Variants in PATJ observed in about 807,000 individuals in gnomAD.
PATJ encodes inaD-like protein.
Under a neutral mutation model 224.9 loss-of-function variants are expected in PATJ, and 190 were observed. The observed-to-expected ratio is 0.84, with a 90% CI of 0.75 to 0.95. PATJ has a LOEUF of 0.95. Among genes scored for constraint, PATJ ranks in the 40% least tolerant of loss-of-function variants. The pLI is 0.00. For missense variants in PATJ, 2,121 were observed against 2,270.3 expected, an observed-to-expected ratio of 0.93 and a Z score of 1.34; for synonymous variants, 769 against 820.3, an observed-to-expected ratio of 0.94 and a Z score of 1.07.
chr1:61,812,597 C>G (rs535079688), intron 14 of PATJ, among the ~76,000 whole-genome samples: 1 of 152,058 alleles, frequency 6.6e-6, no homozygotes, highest in Non-Finnish European at 1.5e-5. Flanking sequence ...ACCTGTAATC[C>G]TAGCATTTTG....
At chr1:62,145,345 GT>G (rs1435006432) in intron 41 of PATJ, among the ~76,000 whole-genome samples, 2 of 152,224 alleles carry the variant, frequency 1.3e-5, no homozygotes, top group African/African-American at 2.4e-5. Flanking sequence ...GATGTATGCA[GT>G]TCATTAGATA....
chr1:61,856,585 AATT>A (rs1247871676), intron 18 of PATJ, among the ~76,000 whole-genome samples: 3 of 151,818 alleles, frequency 2.0e-5, no homozygotes, highest in African/African-American at 4.8e-5. Context: ...CTTATGTGTA[AATT>A]ATTATTATTA....
intron 26 of PATJ, among the ~76,000 whole-genome samples, chr1:61,924,083 A>T (rs1674754432): frequency 6.6e-6 from 1 of 151,180 alleles, no homozygotes; most frequent in African/African-American, 2.4e-5. Flanking sequence ...GATTCATAGA[A>T]ATACTGGCCA....
intron 31 of PATJ, among the ~76,000 whole-genome samples, chr1:62,065,733 T>C (rs986198311): frequency 6.6e-6 from 1 of 152,232 alleles, no homozygotes; most frequent in African/African-American, 2.4e-5. Flanking sequence ...ATCACTTGCT[T>C]ATCAGATTTT....
chr1:61,923,674 T>A (rs561388062), intron 26 of PATJ, among the ~76,000 whole-genome samples: 1 of 151,922 alleles, frequency 6.6e-6, no homozygotes, highest in African/African-American at 2.4e-5. Flanking sequence ...TCCCAGCACT[T>A]TGGGAGGCTG....
chr1:62,143,817 G>A (rs1667744378), intron 41 of PATJ, among the ~76,000 whole-genome samples: 2 of 152,136 alleles, frequency 1.3e-5, no homozygotes, highest in African/African-American at 4.8e-5. Flanking sequence ...TTGAGCCTGA[G>A]TGTGCAAGTG....
At chr1:62,124,088 T>G (rs1665420089) in intron 39 of PATJ, among the ~76,000 whole-genome samples, 1 of 152,102 alleles carries the variant, frequency 6.6e-6, no homozygotes, top group African/African-American at 2.4e-5. Flanking sequence ...TTTTTTTCTT[T>G]TTCTTTTTCT....
intron 25 of PATJ, among the ~76,000 whole-genome samples, chr1:61,910,326 T>A (rs1436684306): frequency 6.6e-6 from 1 of 152,136 alleles, no homozygotes; most frequent in Non-Finnish European, 1.5e-5. Context: ...TTCTTTCAAT[T>A]ATTCAAACAA....
At position 61,827,519 on chromosome 1, in the gene PATJ, T is replaced by G; in HGVS notation, c.1916T>G (p.Leu639Trp). 6.2e-7 allele frequency: 1 copy of G among 1,614,076 alleles called. No individual in the cohort carries two copies. Among genetic ancestry groups the G allele is most frequent in the Non-Finnish European group, 8.5e-7 (1 of 1,180,016 alleles). ...PPFTLVCCRR[L>W]FDDEASVDEP... ...TTTACTTTGGTTTGCTGTCGGAGGT[T>G]GTTTGATGATGAAGCTTCTGTAGAT... The change falls in exon 16 of 44, where the codon TTG becomes TGG. Residue 639 changes from leucine (L) to tryptophan (W), a missense_variant. Transcript: ENST00000642238.
At position 61,900,248 on chromosome 1, in the gene PATJ, G is replaced by C. The variant is rs1403442347; in HGVS notation, c.3203+594G>C. Among the ~76,000 whole-genome samples, 8 of 151,992 alleles carry C rather than the reference G, an allele frequency of 5.3e-5. No homozygotes were observed. The East Asian group carries it at 1.5e-3, about 29-fold the overall frequency. On this transcript the variant is annotated intron_variant, in intron 23 of 43. Coordinates refer to ENST00000642238, the MANE Select transcript of PATJ (RefSeq NM_001350145.3). The stretch of plus-strand genomic sequence containing the variant: ...ATATCTCCACCCAAACTGGTTCTTT[G>C]CTTGTAATTGAAATCTGAATTTGTC...
At chr1:62,104,154 A>T (rs1662588102) in intron 33 of PATJ, among the ~76,000 whole-genome samples, 1 of 152,128 alleles carries the variant, frequency 6.6e-6, no homozygotes, top group Non-Finnish European at 1.5e-5. Flanking sequence ...GGTAGGGGAG[A>T]AGGCACTCAG....
At chr1:62,118,422 G>A (rs1664687229) in intron 37 of PATJ, among the ~76,000 whole-genome samples, 3 of 152,232 alleles carry the variant, frequency 2.0e-5, no homozygotes, top group African/African-American at 7.2e-5. Context: ...CTACACAGAG[G>A]AGGTTCCATT....
At chr1:62,029,738 T>C (rs1288274354) in intron 29 of PATJ, among the ~76,000 whole-genome samples, 1 of 152,170 alleles carries the variant, frequency 6.6e-6, no homozygotes, top group Non-Finnish European at 1.5e-5. Flanking sequence ...GAGAGTTAGT[T>C]AATATTTAAT....
chr1:62,012,802 A>T (rs1315916153), intron 28 of PATJ, among the ~76,000 whole-genome samples: 1 of 151,964 alleles, frequency 6.6e-6, no homozygotes, highest in Non-Finnish European at 1.5e-5. Context: ...TTTTTTCCCT[A>T]GCCCTAACCC....
At chr1:62,125,722 C>T (rs1018964857) in intron 39 of PATJ, among the ~76,000 whole-genome samples, 1 of 152,050 alleles carries the variant, frequency 6.6e-6, no homozygotes, top group South Asian at 2.1e-4. Flanking sequence ...TGTAATAAAG[C>T]CTGCTCCTAC....
chr1:62,153,528 G>A, intron 43 of PATJ, 47 bp downstream of exon 43: 1 of 1,187,616 alleles, frequency 8.4e-7, no homozygotes, highest in East Asian at 3.2e-5. Context: ...TTAAACCTAG[G>A]TGAGATTTCT....
At chr1:61,934,081 G>A (rs1571363473) in intron 27 of PATJ, among the ~76,000 whole-genome samples, 1 of 147,514 alleles carries the variant, frequency 6.8e-6, no homozygotes, top group South Asian at 2.2e-4. Context: ...GATTACAGGT[G>A]CATGCCACTG....
chr1:62,062,720 C>A (rs890894883), intron 31 of PATJ, among the ~76,000 whole-genome samples: 2 of 151,916 alleles, frequency 1.3e-5, no homozygotes, highest in African/African-American at 4.8e-5. Context: ...TGATGTAGAA[C>A]TCCTAGCTTT....
intron 30 of PATJ, among the ~76,000 whole-genome samples, chr1:62,042,497 C>T (rs976859855): frequency 6.6e-6 from 1 of 152,122 alleles, no homozygotes; most frequent in Non-Finnish European, 1.5e-5. Context: ...AAAGAGACAG[C>T]CCATTCAAAT....
Sources: gnomAD v4.1 joint callset for allele counts (sites outside exome capture counted in the v4.1 genomes callset) on GRCh38, gnomAD v4.1.1 for gene constraint, MANE v1.5 for transcripts, NCBI Gene and HGNC (gene_info 2026-07-23, HGNC 2026-07-21) for gene names.